The following ZNF860 variants were observed in gnomAD, a reference collection of about 807,000 sequenced individuals.
ZNF860 encodes zinc finger protein 860.
For missense variants in ZNF860, 641 were observed against 759.2 expected (o/e 0.84, Z 1.83); for synonymous variants, 206 against 248.9 (o/e 0.83, Z 1.62).
intron 1 of ZNF860, among the ~76,000 whole-genome samples, chr3:31,984,888 CT>C (rs1329714003): frequency 6.6e-6 from 1 of 152,206 alleles, no homozygotes; most frequent in African/African-American, 2.4e-5. Flanking sequence ...ATGGAATCAG[CT>C]ATGTCGAATT....
chr3:31,992,281 C>T (rs887662526), downstream of ZNF860, among the ~76,000 whole-genome samples: 6 of 152,044 alleles, frequency 3.9e-5, no homozygotes, highest in African/African-American at 1.4e-4. Flanking sequence ...AATGCAAAGG[C>T]AATTCAATGC....
intron 1 of ZNF860, among the ~76,000 whole-genome samples, chr3:31,982,786 C>A (rs12629794): frequency 6.6e-6 from 1 of 152,178 alleles, no homozygotes; most frequent in Non-Finnish European, 1.5e-5. Context: ...CAAATGATAC[C>A]GGCTGTAATA....
the ZNF860 span, among the ~76,000 whole-genome samples, chr3:32,002,390 G>A: frequency 6.6e-6 from 1 of 152,178 alleles, no homozygotes; most frequent in Admixed American, 6.5e-5. Context: ...ACAGTATGGG[G>A]CAAGGGGAGG....
chr3:31,999,141 C>T, the ZNF860 span, among the ~76,000 whole-genome samples: 2 of 152,168 alleles, frequency 1.3e-5, no homozygotes, highest in Non-Finnish European at 2.9e-5. Flanking sequence ...CCTCTGCTGT[C>T]TGGAGGGCAT....
chr3:31,999,925 G>A, the ZNF860 span, among the ~76,000 whole-genome samples: 2 of 152,042 alleles, frequency 1.3e-5, no homozygotes, highest in African/African-American at 2.4e-5. Flanking sequence ...CTTAGGTCAG[G>A]GCCAAAATGT....
the ZNF860 span, among the ~76,000 whole-genome samples, chr3:31,999,655 C>T: frequency 1.3e-5 from 2 of 152,062 alleles, no homozygotes; most frequent in Non-Finnish European, 2.9e-5. Context: ...GCCACCGTGC[C>T]CGGCCTCAAA....
In ZNF860 at chr3:31,989,784, T is replaced by A. The variant is rs751711370; in HGVS notation, c.705T>A (p.Ser235Arg). The change falls in exon 2 of 2, where the codon AGT becomes AGA. Residue 235 changes from serine to arginine, a missense_variant. Coordinates refer to ENST00000360311, the MANE Select transcript of ZNF860 (RefSeq NM_001137674.3). ...IREKSFQCNE[S>R]GKAFNCSSLL... is the part of the protein sequence containing the mutation. ...AAAAATCTTTCCAATGTAATGAGAGTGGCAAAGCCTTTAATTGTAGCTCAC... is the reference window on the plus strand; with the variant it reads ...AAAAATCTTTCCAATGTAATGAGAGAGGCAAAGCCTTTAATTGTAGCTCAC... 6.2e-7 allele frequency: 1 copy of A among 1,614,150 alleles called. No individual in the cohort carries two copies. Among genetic ancestry groups the A allele is most frequent in the African/African-American group, 1.3e-5 (1 of 75,026 alleles).
chr3:31,985,627 T>C (rs1303970814), intron 1 of ZNF860, among the ~76,000 whole-genome samples: 6 of 152,172 alleles, frequency 3.9e-5, no homozygotes, highest in Non-Finnish European at 7.3e-5. Context: ...TGAGTGGACA[T>C]TGACTTCATT....
chr3:31,986,416 A>G (rs896035156), intron 1 of ZNF860: 3 of 152,162 alleles, frequency 2.0e-5, no homozygotes, highest in Non-Finnish European at 4.4e-5. Context: ...TAAGGTATGG[A>G]CAGTCCACTA....
chr3:32,002,028 T>C, the ZNF860 span, among the ~76,000 whole-genome samples: 1 of 152,182 alleles, frequency 6.6e-6, no homozygotes, highest in Admixed American at 6.5e-5. Flanking sequence ...AAATGGCAGG[T>C]TAGGGTTCAA....
At chr3:31,984,278 G>A (rs1181015292) in intron 1 of ZNF860, among the ~76,000 whole-genome samples, 1 of 151,688 alleles carries the variant, frequency 6.6e-6, no homozygotes, top group African/African-American at 2.4e-5. Flanking sequence ...GTGACCTCGT[G>A]ATCCGCCCAC....
downstream of ZNF860, among the ~76,000 whole-genome samples, chr3:31,995,065 G>C (rs1485705139): frequency 2.0e-5 from 3 of 152,160 alleles, no homozygotes; most frequent in African/African-American, 4.8e-5. Context: ...AAAAAGCAGA[G>C]TAAAGATCAT....
chr3:31,996,501 G>A (rs1699090936), downstream of ZNF860, among the ~76,000 whole-genome samples: 1 of 151,852 alleles, frequency 6.6e-6, no homozygotes, highest in Non-Finnish European at 1.5e-5. Flanking sequence ...AATTGCCAGG[G>A]GGAGAAGGGG....
the ZNF860 span, among the ~76,000 whole-genome samples, chr3:32,001,349 C>T: frequency 6.6e-6 from 1 of 152,184 alleles, no homozygotes. Context: ...TGTATTCTGT[C>T]TGGCATCTCA....
chr3:31,989,614 G>GA lies in ZNF860; in HGVS notation c.535_536insA (p.Val179AspfsTer2). 1.2e-6 allele frequency: 2 copies of GA among 1,614,202 alleles called. No homozygotes were observed. The highest frequency in any genetic ancestry group is 2.2e-5 in the South Asian group (2 of 91,088). On this transcript the variant is annotated frameshift_variant, in exon 2 of 2. Transcript: ENST00000360311. LOFTEE classifies it low-confidence loss of function (END_TRUNC). ...GACCAAAGGGAAAGTTGGTAATCAA[G>GA]TTGAGAAGTCTATCAACGATGCTTC...
At chr3:31,998,611 G>C in the ZNF860 span, among the ~76,000 whole-genome samples, 4 of 152,218 alleles carry the variant, frequency 2.6e-5, no homozygotes, top group East Asian at 7.7e-4. Flanking sequence ...CAAATAATTT[G>C]ATGGTTACAT....
intron 1 of ZNF860, among the ~76,000 whole-genome samples, chr3:31,983,525 G>A (rs957163075): frequency 6.6e-6 from 1 of 152,218 alleles, no homozygotes; most frequent in African/African-American, 2.4e-5. Context: ...CCAGGATGGG[G>A]CAGGAGCAAG....
chr3:31,991,108 C>T lies in ZNF860; in HGVS notation c.*130C>T. On this transcript the variant is annotated 3_prime_UTR_variant, in exon 2 of 2. Coordinates refer to ENST00000360311, the MANE Select transcript of ZNF860 (RefSeq NM_001137674.3). ...CAGCATTGACTTGAGTTTCAGTTGA[C>T]TTGACATTGAGTTCAAGCATTAATT... is the stretch of plus-strand genomic sequence containing the variant. The T allele has an allele frequency of 2.2e-6, 2 of 913,534 alleles. No individual in the cohort carries two copies. The highest frequency in any genetic ancestry group is 3.3e-6 in the Non-Finnish European group (2 of 600,724). The allele number at this position is 913,534 out of a possible 1,614,324, so 56.6% of individuals were successfully genotyped here.
At chr3:31,993,164 CTTATTTTATTTTATTTTATT>C (rs143583788), downstream of ZNF860, among the ~76,000 whole-genome samples, 115 of 129,112 alleles carry the variant, frequency 8.9e-4, 1 homozygote, top group East Asian at 4.4e-3. Context: ...GTAAGAAAAC[CTTATTTTATTTTATTTTATT>C]TTATTTTATT....
Sources: allele counts gnomAD v4.1 joint callset (sites outside exome capture counted in the v4.1 genomes callset), GRCh38; gene constraint gnomAD v4.1.1; transcripts MANE v1.5; gene names NCBI Gene and HGNC (gene_info 2026-07-23, HGNC 2026-07-21).